The following NKAIN2 variants were observed in gnomAD, a reference collection of about 807,000 sequenced individuals.
The protein encoded by NKAIN2 is sodium/potassium transporting ATPase interacting 2, also known as sodium/potassium-transporting ATPase subunit beta-1-interacting protein 2.
In NKAIN2, 14 loss-of-function variants were observed where a neutral mutation model predicts 32.6. That is an observed-to-expected ratio of 0.43 (90% confidence interval 0.28 to 0.67). NKAIN2 has a LOEUF of 0.67. Among genes scored for constraint, NKAIN2 ranks in the 30% least tolerant of loss-of-function variants. NKAIN2 has a pLI of 0.17. For synonymous variants in NKAIN2, 80 were observed against 87.2 expected (o/e 0.92, Z 0.46); for missense variants, 198 against 258.3 (o/e 0.77, Z 1.60).
chr6:123,979,502 A>G (rs543879573), intron 1 of NKAIN2, among the ~76,000 whole-genome samples: 1 of 152,308 alleles, frequency 6.6e-6, no homozygotes, highest in East Asian at 1.9e-4. Flanking sequence ...AAATGAAGTC[A>G]GGGCCCAAAT....
intron 1 of NKAIN2, among the ~76,000 whole-genome samples, chr6:124,193,864 T>C (rs1356831221): frequency 1.3e-5 from 2 of 151,996 alleles, no homozygotes; most frequent in Non-Finnish European, 2.9e-5. Flanking sequence ...GTAGCTCCTC[T>C]TGGCAGGCAA....
intron 1 of NKAIN2, among the ~76,000 whole-genome samples, chr6:123,813,938 T>C (rs539920143): frequency 4.6e-5 from 7 of 152,274 alleles, no homozygotes; most frequent in African/African-American, 1.4e-4. Context: ...GCCTGAGATT[T>C]TCTCAAATAT....
At chr6:124,305,562 C>T (rs944181697) in intron 2 of NKAIN2, among the ~76,000 whole-genome samples, 1 of 151,732 alleles carries the variant, frequency 6.6e-6, no homozygotes, top group African/African-American at 2.4e-5. Flanking sequence ...AATAAGACAC[C>T]CAAATGGAGA....
In NKAIN2 at chr6:124,375,400, A is replaced by C. The variant is rs1156813400; in HGVS notation, c.273+20053A>C. Among the ~76,000 whole-genome samples the C allele has an allele frequency of 7.5e-5, 11 of 147,622 alleles. No homozygotes were observed. The South Asian group carries it at 2.1e-3, about 28-fold the overall frequency. On this transcript the variant is annotated intron_variant, in intron 3 of 6. Coordinates refer to ENST00000368417, the MANE Select transcript of NKAIN2 (RefSeq NM_001040214.3). The stretch of plus-strand genomic sequence containing the variant: ...CACTATATATATATATATGTATATA[A>C]ATTATATATATATGTATATAAATTA...
At chr6:123,925,976 G>T (rs1319436760) in intron 1 of NKAIN2, among the ~76,000 whole-genome samples, 2 of 152,120 alleles carry the variant, frequency 1.3e-5, no homozygotes, top group Non-Finnish European at 2.9e-5. Flanking sequence ...TCTGTTGAGG[G>T]CTTACTTTCT....
intron 2 of NKAIN2, among the ~76,000 whole-genome samples, chr6:124,288,857 A>C (rs1056112490): frequency 2.0e-5 from 3 of 152,184 alleles, no homozygotes; most frequent in African/African-American, 7.2e-5. Flanking sequence ...CAATATAGAC[A>C]TACATACATA....
intron 3 of NKAIN2, among the ~76,000 whole-genome samples, chr6:124,509,529 C>T (rs1778629061): frequency 6.6e-6 from 1 of 152,176 alleles, no homozygotes; most frequent in Admixed American, 6.5e-5. Flanking sequence ...TTATTTCGTT[C>T]TACCACAACA....
chr6:123,911,049 AT>A (rs1775153139), intron 1 of NKAIN2, among the ~76,000 whole-genome samples: 1 of 152,080 alleles, frequency 6.6e-6, no homozygotes, highest in Non-Finnish European at 1.5e-5. Flanking sequence ...TGAAATGTTG[AT>A]CAGACTTTTA....
intron 4 of NKAIN2, among the ~76,000 whole-genome samples, chr6:124,707,800 A>G (rs1419651485): frequency 6.6e-6 from 1 of 151,428 alleles, no homozygotes; most frequent in Admixed American, 6.6e-5. Context: ...TTGCCTGTTC[A>G]CTCTGATGGT....
chr6:124,255,859 C>T (rs1375653440), intron 1 of NKAIN2, among the ~76,000 whole-genome samples: 1 of 152,152 alleles, frequency 6.6e-6, no homozygotes, highest in Non-Finnish European at 1.5e-5. Flanking sequence ...TTCTGTTTTT[C>T]GTTTATCTAC....
chr6:123,873,620 G>C (rs1773018731), intron 1 of NKAIN2, among the ~76,000 whole-genome samples: 3 of 152,120 alleles, frequency 2.0e-5, no homozygotes. Flanking sequence ...GCATGATACT[G>C]GAGTCAAAGA....
chr6:124,197,211 A>G (rs1412465591), intron 1 of NKAIN2, among the ~76,000 whole-genome samples: 1 of 151,736 alleles, frequency 6.6e-6, no homozygotes, highest in Non-Finnish European at 1.5e-5. Context: ...TCTATGCTAA[A>G]TTCATAAGTG....
chr6:123,883,894 CAAAAAAAA>C (rs369070419), intron 1 of NKAIN2, among the ~76,000 whole-genome samples: 1 of 63,876 alleles, frequency 1.6e-5, no homozygotes, highest in Non-Finnish European at 2.8e-5. Context: ...GACTCTGTCT[CAAAAAAAA>C]AAAAAAAAAA....
chr6:124,802,905 T>C (rs1780330168), intron 5 of NKAIN2, among the ~76,000 whole-genome samples: 2 of 152,232 alleles, frequency 1.3e-5, no homozygotes, highest in South Asian at 4.1e-4. Flanking sequence ...GGTGTTCTCA[T>C]TAGCATTCTT....
At position 124,430,804 on chromosome 6, in the gene NKAIN2, C is replaced by G. The variant is rs189765993; in HGVS notation, c.273+75457C>G. On this transcript the variant is annotated intron_variant, in intron 3 of 6. Transcript: ENST00000368417. Reference sequence around the variant, plus strand: ...AGAGGAGGTGACATATACTCCACCTCTCAATGGGTGGACCTTTTAAAACCA... The same window carrying G: ...AGAGGAGGTGACATATACTCCACCTGTCAATGGGTGGACCTTTTAAAACCA... 4.1e-4 allele frequency among the ~76,000 whole-genome samples: 62 copies of G among 152,268 alleles called. No individual in the cohort carries two copies. The East Asian group carries it at 9.5e-3, about 23-fold the overall frequency.
intron 2 of NKAIN2, among the ~76,000 whole-genome samples, chr6:124,296,812 A>C (rs1032440276): frequency 2.0e-5 from 3 of 152,220 alleles, no homozygotes; most frequent in African/African-American, 7.2e-5. Flanking sequence ...AAAAGCATTC[A>C]ATTAAGACCC....
intron 1 of NKAIN2, among the ~76,000 whole-genome samples, chr6:123,831,454 C>CTTTT (rs34291249): frequency 1.4e-5 from 2 of 144,668 alleles, no homozygotes; most frequent in Non-Finnish European, 3.0e-5. Context: ...AGTTTTAACT[C>CTTTT]TTTTTTTTTT....
At chr6:123,940,990 T>A (rs1485166725) in intron 1 of NKAIN2, among the ~76,000 whole-genome samples, 1 of 152,002 alleles carries the variant, frequency 6.6e-6, no homozygotes, top group Non-Finnish European at 1.5e-5. Flanking sequence ...GAATTTTTTA[T>A]TTCTTTATGT....
chr6:124,637,952 C>A (rs192213900), intron 3 of NKAIN2, among the ~76,000 whole-genome samples: 1 of 152,198 alleles, frequency 6.6e-6, no homozygotes. Context: ...GTATTCAAAG[C>A]AATTCTGGGG....
Sources: allele counts gnomAD v4.1 joint callset (sites outside exome capture counted in the v4.1 genomes callset), GRCh38; gene constraint gnomAD v4.1.1; transcripts MANE v1.5; gene names NCBI Gene and HGNC (gene_info 2026-07-23, HGNC 2026-07-21).